IL20RB: variants seen among roughly 807,000 people sequenced by gnomAD.
IL20RB encodes the protein interleukin 20 receptor subunit beta, also known as interleukin-20 receptor subunit beta.
In IL20RB, 21 loss-of-function variants were observed where a neutral mutation model predicts 33.3. The observed-to-expected ratio is 0.63, with a 90% CI of 0.45 to 0.91. IL20RB has a LOEUF of 0.91. IL20RB is among the 40% of genes least tolerant of loss of function. IL20RB has a pLI of 0.00. For synonymous variants in IL20RB, 147 were observed against 146.8 expected (o/e 1.00, Z -0.01); for missense variants, 345 against 384.8 (o/e 0.90, Z 0.86).
At chr3:136,988,219 A>G (rs1206773727) in intron 3 of IL20RB, among the ~76,000 whole-genome samples, 1 of 152,170 alleles carries the variant, frequency 6.6e-6, no homozygotes, top group African/African-American at 2.4e-5. Context: ...AAGACCAGTG[A>G]TCAGGGTGGC....
At chr3:136,983,126 C>T (rs1158135193) in intron 3 of IL20RB, among the ~76,000 whole-genome samples, 1 of 151,792 alleles carries the variant, frequency 6.6e-6, no homozygotes, top group African/African-American at 2.4e-5. Flanking sequence ...CTCACTCTGT[C>T]ACCCAGGTTG....
chr3:136,992,534 A>G (rs985313360), intron 5 of IL20RB, among the ~76,000 whole-genome samples: 1 of 152,056 alleles, frequency 6.6e-6, no homozygotes, highest in South Asian at 2.1e-4. Context: ...TGTTTGAATT[A>G]CTCTTTTCCC....
intron 5 of IL20RB, among the ~76,000 whole-genome samples, chr3:136,994,071 A>G (rs1301915229): frequency 1.3e-5 from 2 of 152,042 alleles, no homozygotes; most frequent in African/African-American, 4.8e-5. Context: ...TCTAGTTCAG[A>G]TGTTGCTAAG....
intron 1 of IL20RB, among the ~76,000 whole-genome samples, chr3:136,960,566 TTC>T (rs1411421849): frequency 6.6e-6 from 1 of 152,214 alleles, no homozygotes; most frequent in East Asian, 1.9e-4. Context: ...CAACTGCTAT[TTC>T]TGAGTACACA....
chr3:137,008,946 A>G (rs1196551136), intron 6 of IL20RB, among the ~76,000 whole-genome samples: 2 of 152,356 alleles, frequency 1.3e-5, no homozygotes, highest in Admixed American at 6.5e-5. Flanking sequence ...TTAAAAAATG[A>G]TCATGTATGA....
At chr3:136,958,458 CT>C (rs1301167954) in intron 1 of IL20RB, among the ~76,000 whole-genome samples, 2 of 152,170 alleles carry the variant, frequency 1.3e-5, no homozygotes, top group Non-Finnish European at 2.9e-5. Context: ...AAAAGCAGAG[CT>C]CTGTGCACTT....
At chr3:136,981,614 T>C (rs1941777650) in intron 2 of IL20RB, among the ~76,000 whole-genome samples, 1 of 152,114 alleles carries the variant, frequency 6.6e-6, no homozygotes, top group Non-Finnish European at 1.5e-5. Context: ...GGGCAGAGCG[T>C]TTGAGATGGA....
At chr3:136,958,800 C>T (rs1560062420) in intron 1 of IL20RB, among the ~76,000 whole-genome samples, 1 of 152,144 alleles carries the variant, frequency 6.6e-6, no homozygotes, top group Non-Finnish European at 1.5e-5. Flanking sequence ...AAAATTGGAA[C>T]TCTGTAGCCT....
chr3:136,981,497 T>C (rs1941774190), intron 2 of IL20RB, among the ~76,000 whole-genome samples: 1 of 151,976 alleles, frequency 6.6e-6, no homozygotes, highest in Non-Finnish European at 1.5e-5. Flanking sequence ...CCATAGAGAG[T>C]TGACACTGAG....
Position 137,010,264 on chromosome 3 carries a change from C to T in IL20RB, c.*41C>T, listed in dbSNP as rs1347970970. On this transcript the variant is annotated 3_prime_UTR_variant, in exon 7 of 7. Coordinates refer to ENST00000329582, the MANE Select transcript of IL20RB (RefSeq NM_144717.4). ...CAGGTGAAGCCGAGAACCTGGTCTG[C>T]ATGACATGGAAACCATGAGGGGACA... 3.3e-6 allele frequency: 3 copies of T among 922,372 alleles called. No individual in the cohort carries two copies. Among genetic ancestry groups the T allele is most frequent in the Admixed American group, 1.8e-5 (1 of 56,782 alleles). The allele number at this position is 922,372 out of a possible 1,614,324, so 57.1% of individuals were successfully genotyped here.
Position 137,003,449 on chromosome 3 carries a change from G to T in IL20RB, c.826-6664G>T, listed in dbSNP as rs1942286893. 3.9e-5 allele frequency among the ~76,000 whole-genome samples: 6 copies of T among 152,236 alleles called. No individual in the cohort carries two copies. The South Asian group carries it at 1.2e-3, about 32-fold the overall frequency. On this transcript the variant is annotated intron_variant, in intron 6 of 6. Coordinates refer to ENST00000329582, the MANE Select transcript of IL20RB (RefSeq NM_144717.4). ...TTTGTGTCCTCTTTTATTTCGTTGA[G>T]CAGTGATTTGTAGTGCTCCTTGAAG...
At chr3:136,970,076 G>T (rs1466427652) in intron 1 of IL20RB, among the ~76,000 whole-genome samples, 1 of 150,118 alleles carries the variant, frequency 6.7e-6, no homozygotes, top group African/African-American at 2.4e-5. Context: ...TGTTTAAAGC[G>T]TTTTTTTTGT....
At chr3:136,975,373 T>C (rs1292690377) in intron 1 of IL20RB, among the ~76,000 whole-genome samples, 1 of 152,178 alleles carries the variant, frequency 6.6e-6, no homozygotes, top group Non-Finnish European at 1.5e-5. Context: ...GGAGTCTCGC[T>C]CTCTTGCCAG....
chr3:136,973,064 G>A, intron 1 of IL20RB, among the ~76,000 whole-genome samples: 1 of 152,068 alleles, frequency 6.6e-6, no homozygotes, highest in East Asian at 1.9e-4. Context: ...GGTCATTCAA[G>A]ATCATGTTGT....
At chr3:136,993,882 G>A (rs775883091) in intron 5 of IL20RB, among the ~76,000 whole-genome samples, 2 of 151,958 alleles carry the variant, frequency 1.3e-5, no homozygotes, top group African/African-American at 2.4e-5. Context: ...GCATGGTGGT[G>A]CACGTCTGTA....
At chr3:136,974,100 T>A (rs538538526) in intron 1 of IL20RB, among the ~76,000 whole-genome samples, 10 of 151,716 alleles carry the variant, frequency 6.6e-5, no homozygotes, top group African/African-American at 2.4e-4. Flanking sequence ...ATATTGTTAA[T>A]TTTTTTTCTG....
intron 6 of IL20RB, among the ~76,000 whole-genome samples, chr3:136,996,560 C>T (rs1172678031): frequency 6.6e-6 from 1 of 152,180 alleles, no homozygotes; most frequent in Non-Finnish European, 1.5e-5. Flanking sequence ...CCTGCTTTCT[C>T]TCCCTAAACA....
At chr3:136,972,744 T>G (rs1624703) in intron 1 of IL20RB, among the ~76,000 whole-genome samples, 1 of 150,692 alleles carries the variant, frequency 6.6e-6, no homozygotes, top group African/African-American at 2.4e-5. Context: ...GAAGAAAAAT[T>G]TTTTTTTTTC....
At chr3:136,980,648 G>A in intron 2 of IL20RB, 56 bp downstream of exon 2, 2 of 1,603,480 alleles carry the variant, frequency 1.2e-6, no homozygotes, top group South Asian at 2.2e-5. Flanking sequence ...GTTCCTGAAG[G>A]CATAGCCCTT....
Sources: allele counts gnomAD v4.1 joint callset (sites outside exome capture counted in the v4.1 genomes callset), GRCh38; gene constraint gnomAD v4.1.1; transcripts MANE v1.5; gene names NCBI Gene and HGNC (gene_info 2026-07-23, HGNC 2026-07-21).